The following MAN1A2 variants were observed in gnomAD, a reference collection of about 807,000 sequenced individuals.
The protein encoded by MAN1A2 is mannosidase alpha class 1A member 2, also known as mannosyl-oligosaccharide 1,2-alpha-mannosidase IB.
Under a neutral mutation model 75.7 loss-of-function variants are expected in MAN1A2, and 26 were observed. The ratio of observed to expected loss-of-function variants is 0.34; its 90% CI spans 0.25 to 0.48. The LOEUF is 0.48. Ranked by LOEUF, MAN1A2 falls within the 20% of genes least tolerant of loss-of-function variation. The probability of loss-of-function intolerance (pLI) is 0.99; values close to 1 mark genes in which losing one functional copy is unlikely to be tolerated. For synonymous variants in MAN1A2, 247 were observed against 264.6 expected (o/e 0.93, Z 0.65); for missense variants, 562 against 775.5 (o/e 0.72, Z 3.27).
At chr1:117,424,128 C>T (rs1648290942) in intron 5 of MAN1A2, among the ~76,000 whole-genome samples, 1 of 152,094 alleles carries the variant, frequency 6.6e-6, no homozygotes, top group Non-Finnish European at 1.5e-5. Context: ...ACAATCATGT[C>T]ATTAGTAAAT....
intron 8 of MAN1A2, among the ~76,000 whole-genome samples, chr1:117,475,702 T>C (rs1006488819): frequency 7.2e-5 from 11 of 152,158 alleles, no homozygotes; most frequent in African/African-American, 2.4e-4. Context: ...ACTCATCCTT[T>C]TTTATGGCTG....
intron 7 of MAN1A2, among the ~76,000 whole-genome samples, chr1:117,463,635 A>C (rs1004301689): frequency 1.3e-5 from 2 of 152,142 alleles, no homozygotes; most frequent in African/African-American, 4.8e-5. Flanking sequence ...GTGCAAACAT[A>C]CTGCTAGAAA....
chr1:117,462,689 T>C (rs989138493), intron 7 of MAN1A2, among the ~76,000 whole-genome samples: 2 of 152,152 alleles, frequency 1.3e-5, no homozygotes, highest in African/African-American at 4.8e-5. Flanking sequence ...AAAACTATAA[T>C]CTTAGGGTTA....
At chr1:117,420,801 GAAT>G (rs1225204582) in intron 5 of MAN1A2, 152 bp downstream of exon 5, 11 of 590,558 alleles carry the variant, frequency 1.9e-5, no homozygotes, top group Middle Eastern at 5.6e-4. Context: ...TATTCCTTGG[GAAT>G]AATAATTTTT....
chr1:117,491,206 T>C (rs1433182058), intron 8 of MAN1A2, among the ~76,000 whole-genome samples: 1 of 152,052 alleles, frequency 6.6e-6, no homozygotes, highest in African/African-American at 2.4e-5. Flanking sequence ...TGGAAGAAGA[T>C]GCCATCTCAT....
chr1:117,442,695 A>T (rs1649077614), intron 6 of MAN1A2, among the ~76,000 whole-genome samples: 1 of 152,084 alleles, frequency 6.6e-6, no homozygotes, highest in East Asian at 1.9e-4. Flanking sequence ...TTCTTTTTAT[A>T]TACCACCTCC....
intron 1 of MAN1A2, among the ~76,000 whole-genome samples, chr1:117,399,399 G>A (rs916359243): frequency 7.9e-5 from 12 of 152,172 alleles, no homozygotes; most frequent in African/African-American, 2.9e-4. Context: ...CTCCCCATTT[G>A]TCATCAGGAC....
At chr1:117,458,044 T>A (rs931019301) in intron 6 of MAN1A2, among the ~76,000 whole-genome samples, 2 of 152,160 alleles carry the variant, frequency 1.3e-5, no homozygotes, top group African/African-American at 4.8e-5. Context: ...TTAGAAACAT[T>A]TTCTCTGAAC....
intron 12 of MAN1A2, among the ~76,000 whole-genome samples, chr1:117,505,333 G>A (rs1014844800): frequency 2.0e-5 from 3 of 151,240 alleles, no homozygotes; most frequent in Non-Finnish European, 4.4e-5. Flanking sequence ...CATAGGGCTG[G>A]AAATAGATGG....
intron 10 of MAN1A2, 21 bp downstream of exon 10, chr1:117,497,003 A>G: frequency 1.3e-6 from 2 of 1,564,588 alleles, no homozygotes; most frequent in Non-Finnish European, 1.7e-6. Flanking sequence ...TAATAAGGCT[A>G]ATTATATAGT....
intron 1 of MAN1A2, among the ~76,000 whole-genome samples, chr1:117,386,971 T>C (rs1653548247): frequency 6.6e-6 from 1 of 151,872 alleles, no homozygotes; most frequent in Admixed American, 6.6e-5. Flanking sequence ...GGAGAAAATA[T>C]TTGCAAATCA....
chr1:117,390,186 G>C (rs1350586506), intron 1 of MAN1A2, among the ~76,000 whole-genome samples: 3 of 152,092 alleles, frequency 2.0e-5, no homozygotes, highest in Non-Finnish European at 1.5e-5. Flanking sequence ...TCAGTGTCCT[G>C]AAAGAGTTTC....
At chr1:117,469,707 T>C (rs758333735) in intron 8 of MAN1A2, among the ~76,000 whole-genome samples, 2 of 152,132 alleles carry the variant, frequency 1.3e-5, no homozygotes, top group African/African-American at 2.4e-5. Context: ...GCAAAGAAGA[T>C]ATGCAAATGG....
chr1:117,431,488 C>T (rs964915852), intron 5 of MAN1A2, among the ~76,000 whole-genome samples: 1 of 152,012 alleles, frequency 6.6e-6, no homozygotes, highest in Admixed American at 6.5e-5. Flanking sequence ...GTAGAAGTCC[C>T]GAATGACAGT....
chr1:117,368,325 A>G lies in MAN1A2; in HGVS notation c.142A>G (p.Thr48Ala). 6.2e-7 allele frequency: 1 copy of G among 1,613,886 alleles called. No individual in the cohort carries two copies. Among genetic ancestry groups the G allele is most frequent in the Non-Finnish European group, 8.5e-7 (1 of 1,179,968 alleles). ...ILLLILSAFITLCFGAFFFLP... is the reference protein window; with the variant it reads ...ILLLILSAFIALCFGAFFFLP... ...TCTCCTTATTCTTAGTGCCTTCATC[A>G]CTCTGTGTTTTGGGGCATTCTTTTT... The change falls in exon 1 of 13, where the codon ACT becomes GCT. Residue 48 changes from threonine (T) to alanine (A), a missense_variant. Around this residue, in one of 2 missense-constraint regions of MAN1A2, gnomAD observed 128 missense variants for 129.8 expected, o/e 0.99. Transcript: ENST00000356554.
chr1:117,511,206 G>A (rs1342778565), intron 12 of MAN1A2, among the ~76,000 whole-genome samples: 1 of 151,984 alleles, frequency 6.6e-6, no homozygotes, highest in Non-Finnish European at 1.5e-5. Flanking sequence ...ACAATATGGG[G>A]GAAACCACCC....
rs1652043839 is a variant in MAN1A2, at chr1:117,526,895, T to TAG, written c.*3939_*3940insGA. The TAG allele has an allele frequency of 6.9e-6, 1 of 144,176 alleles. No individual in the cohort carries two copies. Among genetic ancestry groups the TAG allele is most frequent in the Admixed American group, 7.0e-5 (1 of 14,190 alleles). The allele number at this position is 144,176 out of a possible 1,614,324, so 8.9% of individuals were successfully genotyped here. On this transcript the variant is annotated 3_prime_UTR_variant, in exon 13 of 13. Coordinates refer to ENST00000356554, the MANE Select transcript of MAN1A2 (RefSeq NM_006699.5). ...CTCTCTCTCTCTATATATATATATA[T>TAG]ATATATATATATATGAGAGATATAT... is the stretch of plus-strand genomic sequence containing the variant.
chr1:117,463,315 AAG>A (rs1293051201), intron 7 of MAN1A2, among the ~76,000 whole-genome samples: 1 of 152,090 alleles, frequency 6.6e-6, no homozygotes, highest in East Asian at 1.9e-4. Context: ...TTTCTGGGAA[AAG>A]AGAGTCAGCC....
intron 5 of MAN1A2, among the ~76,000 whole-genome samples, chr1:117,438,424 AG>A (rs1424040598): frequency 1.3e-5 from 2 of 152,340 alleles, no homozygotes; most frequent in African/African-American, 4.8e-5. Context: ...TTATATGGTA[AG>A]GTTACAGTAA....
Sources: allele counts gnomAD v4.1 joint callset (sites outside exome capture counted in the v4.1 genomes callset), GRCh38; gene constraint gnomAD v4.1.1; regional missense constraint gnomAD v4.1.1; transcripts MANE v1.5; gene names NCBI Gene and HGNC (gene_info 2026-07-23, HGNC 2026-07-21).